Variants in GARNL3 observed in about 807,000 individuals in gnomAD.
GARNL3 encodes the protein GTPase activating Rap/RanGAP domain like 3.
In GARNL3, 63 loss-of-function variants were observed where a neutral mutation model predicts 125.0. The ratio of observed to expected loss-of-function variants is 0.50; its 90% CI spans 0.41 to 0.62. The LOEUF (loss-of-function observed/expected upper bound fraction) is 0.62, where lower values mean the gene tolerates loss of function less well. GARNL3 is among the 20% of genes least tolerant of loss of function. The pLI is 0.00. For missense variants in GARNL3, 994 were observed against 1,244.0 expected (o/e 0.80, Z 3.02); for synonymous variants, 439 against 457.5 (o/e 0.96, Z 0.52).
At chr9:127,235,785 TTGGA>T (rs1232407217) in intron 1 of GARNL3, among the ~76,000 whole-genome samples, 3 of 152,194 alleles carry the variant, frequency 2.0e-5, no homozygotes, top group African/African-American at 4.8e-5. Context: ...AACTGTTTCT[TTGGA>T]ACAGTGAGGG....
rs1404903624 is a variant in GARNL3 at position 127,393,118 on chromosome 9, C to G, written c.2906C>G (p.Ser969Cys). 6.2e-7 allele frequency: 1 copy of G among 1,607,898 alleles called. No individual in the cohort carries two copies. Among genetic ancestry groups the G allele is most frequent in the African/African-American group, 1.3e-5 (1 of 74,844 alleles). The change falls in exon 28 of 28, where the codon TCC becomes TGC. Residue 969 changes from serine to cysteine, a missense_variant. Physicochemically the swap from Ser to Cys is moderately radical, Grantham distance 112 (BLOSUM62 -1). Transcript: ENST00000373387. ...GGCTCCTTGGAAAGTGCTTCTACTT[C>G]CGAAGCCAACCCTGAGGGGCACTCA... ...PSGSLESAST[S>C]EANPEGHSAS... is the part of the protein sequence containing the mutation.
Position 127,335,297 on chromosome 9 carries a change from C to T in GARNL3, c.837C>T (p.Ser279=). ...GGCATGAGATCATGTTTCATGTTTC[C>T]ACCATGTTGCCATATTCCAAAGAGA... ...YQGHEIMFHV[S]TMLPYSKENK... The change falls in exon 10 of 28, where the codon TCC becomes TCT. Residue 279 remains serine, a synonymous_variant. Coordinates refer to ENST00000373387, the MANE Select transcript of GARNL3 (RefSeq NM_032293.5). The T allele has an allele frequency of 6.2e-7, 1 of 1,613,822 alleles. No homozygotes were observed. The highest frequency in any genetic ancestry group is 1.1e-5 in the South Asian group (1 of 91,082).
exon 2 of GARNL3, chr9:127,243,219 A>G (rs891762373): frequency 7.3e-7 from 1 of 1,366,634 alleles, no homozygotes; most frequent in Admixed American, 1.9e-5. Context: ...TGGCCAACGA[A>G]AGACCCTGAA....
chr9:127,370,165 C>T (rs1410457687), intron 22 of GARNL3, among the ~76,000 whole-genome samples: 5 of 152,146 alleles, frequency 3.3e-5, no homozygotes, highest in Non-Finnish European at 7.4e-5. Context: ...TCCCTAAGCC[C>T]GATGGGCCAG....
In GARNL3 at chr9:127,355,472, G is replaced by T; in HGVS notation, c.1935G>T (p.Arg645Ser). The change falls in exon 20 of 28, where the codon AGG (arginine) becomes AGT (serine). Residue 645 changes from arginine (R) to serine (S), a missense_variant and splice_region_variant. Coordinates refer to ENST00000373387, the MANE Select transcript of GARNL3 (RefSeq NM_032293.5). The part of the protein sequence containing the change: ...ESPVEEFQYI[R>S]EICLSDSPMV... ...CTGTTGAAGAATTCCAGTACATCAG[G>T]GTAGGTTTGCTCTTTAAATCATTTA... The T allele has an allele frequency of 6.2e-7, 1 of 1,613,944 alleles. No individual in the cohort carries two copies.
chr9:127,329,871 T>C (rs2131555447), intron 7 of GARNL3, among the ~76,000 whole-genome samples: 1 of 152,130 alleles, frequency 6.6e-6, no homozygotes, highest in East Asian at 1.9e-4. Flanking sequence ...TAGGGTCCTT[T>C]CTGGTTTTAG....
intron 2 of GARNL3, among the ~76,000 whole-genome samples, chr9:127,253,860 T>A (rs1318064872): frequency 1.3e-5 from 2 of 152,180 alleles, no homozygotes; most frequent in Non-Finnish European, 2.9e-5. Context: ...GGGTGTTTCT[T>A]ATCACTGAGA....
chr9:127,282,758 G>T (rs2064138041), intron 1 of GARNL3, among the ~76,000 whole-genome samples: 1 of 152,086 alleles, frequency 6.6e-6, no homozygotes, highest in Non-Finnish European at 1.5e-5. Context: ...AGATCATAGG[G>T]AATACCAGCA....
At chr9:127,231,027 T>TATATAC (rs2062994134) in intron 1 of GARNL3, among the ~76,000 whole-genome samples, 6 of 51,440 alleles carry the variant, frequency 1.2e-4, no homozygotes, top group Non-Finnish European at 1.8e-4. Context: ...TACATATATG[T>TATATAC]ATATATACAT....
At position 127,390,742 on chromosome 9, in the gene GARNL3, G is replaced by A. The variant is rs1243587890; in HGVS notation, c.2845G>A (p.Ala949Thr). The A allele has an allele frequency of 8.1e-6, 13 of 1,613,824 alleles. No homozygotes were observed. The East Asian group carries it at 1.6e-4, about 19-fold the overall frequency. Reference protein sequence around the residue: ...EESQGGPKPGAVRSSSSDRIP... With the variant: ...EESQGGPKPGTVRSSSSDRIP... ...AAGCCAAGGAGGCCCCAAGCCAGGG[G>A]CAGTGAGGTCATCTAGCAGTGACAG... The change falls in exon 27 of 28, where the codon GCA becomes ACA. Residue 949 changes from alanine (A) to threonine (T), a missense_variant. Around this residue, in one of 5 missense-constraint regions of GARNL3, gnomAD observed 728 missense variants for 865.7 expected, o/e 0.84. Transcript: ENST00000373387.
Position 127,342,330 on chromosome 9 carries a change from AT to A in GARNL3, c.1248del (p.His416GlnfsTer35). On this transcript the variant is annotated frameshift_variant, in exon 14 of 28. Transcript: ENST00000373387. LOFTEE classifies it high-confidence loss of function. Reference protein sequence around the residue: ...SLHQDLMPDLHKNMLNRRSFS... With the variant: ...SLHQDLMPDLXKNMLNRRSFS... Reference sequence around the variant, plus strand: ...CACCAGGATTTGATGCCAGATTTGCATAAGGTAATTCTGGGTCCATGGTCTT... The same window carrying A: ...CACCAGGATTTGATGCCAGATTTGCAAAGGTAATTCTGGGTCCATGGTCTT... 1 of 1,590,300 alleles carries A rather than the reference AT, an allele frequency of 6.3e-7. No homozygotes were observed. The highest frequency in any genetic ancestry group is 8.6e-7 in the Non-Finnish European group (1 of 1,158,236).
At chr9:127,318,496 A>C (rs934138519) in intron 5 of GARNL3, among the ~76,000 whole-genome samples, 2 of 152,180 alleles carry the variant, frequency 1.3e-5, no homozygotes, top group Middle Eastern at 3.2e-3. Flanking sequence ...ATGCACTCAG[A>C]TACTTTAGTT....
intron 2 of GARNL3, among the ~76,000 whole-genome samples, chr9:127,258,028 A>T (rs1029636996): frequency 6.6e-6 from 1 of 151,990 alleles, no homozygotes; most frequent in African/African-American, 2.4e-5. Context: ...AAACAGGCTC[A>T]GAGAGGATAA....
At chr9:127,359,885 C>A (rs897941940) in intron 21 of GARNL3, among the ~76,000 whole-genome samples, 2 of 151,946 alleles carry the variant, frequency 1.3e-5, no homozygotes, top group African/African-American at 4.8e-5. Context: ...GGGTTAAAAA[C>A]CATTTTCTTT....
chr9:127,313,770 ATTTAT>A (rs1187090377), intron 4 of GARNL3, among the ~76,000 whole-genome samples: 1 of 151,848 alleles, frequency 6.6e-6, no homozygotes, highest in East Asian at 1.9e-4. Context: ...AAAAAAACTT[ATTTAT>A]TTTATGTTTG....
chr9:127,231,319 G>T (rs1588655565), intron 1 of GARNL3, among the ~76,000 whole-genome samples: 1 of 140,154 alleles, frequency 7.1e-6, no homozygotes, highest in Admixed American at 8.0e-5. Context: ...TGATCCGCCC[G>T]CCTCGGCCTC....
At chr9:127,282,435 G>A (rs1422851274) in intron 1 of GARNL3, among the ~76,000 whole-genome samples, 2 of 152,064 alleles carry the variant, frequency 1.3e-5, no homozygotes, top group Non-Finnish European at 2.9e-5. Flanking sequence ...CTCACCACAA[G>A]CCTAGAAGTA....
intron 2 of GARNL3, among the ~76,000 whole-genome samples, chr9:127,247,269 G>A (rs1479530337): frequency 6.6e-6 from 1 of 152,148 alleles, no homozygotes; most frequent in Non-Finnish European, 1.5e-5. Context: ...GTTACGGGCT[G>A]GACTAGTGAG....
At chr9:127,302,482 G>A (rs1044511022) in intron 2 of GARNL3, among the ~76,000 whole-genome samples, 1 of 152,154 alleles carries the variant, frequency 6.6e-6, no homozygotes, top group Non-Finnish European at 1.5e-5. Context: ...CCATTAGAAT[G>A]AGGTAGACAC....
Sources: gnomAD v4.1 joint callset for allele counts (sites outside exome capture counted in the v4.1 genomes callset) on GRCh38, gnomAD v4.1.1 for gene constraint, gnomAD v4.1.1 regional missense constraint, MANE v1.5 for transcripts, NCBI Gene and HGNC (gene_info 2026-07-23, HGNC 2026-07-21) for gene names.